Variants in TMEM117 observed in about 807,000 individuals in gnomAD.
TMEM117 encodes transmembrane protein 117.
A neutral mutation model predicts 52.4 loss-of-function variants in TMEM117; 27 were observed. That is an observed-to-expected ratio of 0.51 (90% confidence interval 0.38 to 0.71). The LOEUF (loss-of-function observed/expected upper bound fraction) is 0.71, where lower values mean the gene tolerates loss of function less well. TMEM117 is among the 30% of genes least tolerant of loss of function. TMEM117 has a pLI of 0.00. For synonymous variants in TMEM117, 215 were observed against 206.3 expected, an observed-to-expected ratio of 1.04 and a Z score of -0.36; for missense variants, 556 against 630.5, an observed-to-expected ratio of 0.88 and a Z score of 1.26.
chr12:44,143,683 T>TC, intron 4 of TMEM117, 59 bp downstream of exon 4: 1 of 1,264,488 alleles, frequency 7.9e-7, no homozygotes, highest in Non-Finnish European at 1.1e-6. Context: ...GTTCACAGTG[T>TC]TGGACAGACA....
chr12:44,236,589 T>C (rs943895318), intron 5 of TMEM117, among the ~76,000 whole-genome samples: 2 of 152,174 alleles, frequency 1.3e-5, no homozygotes, highest in African/African-American at 4.8e-5. Flanking sequence ...CAAATTCTAA[T>C]ATTTGAACAT....
intron 3 of TMEM117, among the ~76,000 whole-genome samples, chr12:44,063,531 A>G (rs1288948700): frequency 6.6e-6 from 1 of 151,790 alleles, no homozygotes; most frequent in Admixed American, 6.6e-5. Context: ...GGTTTGTTAC[A>G]TATGTATACA....
At chr12:44,219,550 A>C (rs937315313) in intron 5 of TMEM117, among the ~76,000 whole-genome samples, 1 of 152,166 alleles carries the variant, frequency 6.6e-6, no homozygotes, top group Non-Finnish European at 1.5e-5. Context: ...ACTTAATTTC[A>C]CATATAAAAA....
chr12:44,201,237 A>C (rs1049257584), intron 4 of TMEM117, among the ~76,000 whole-genome samples: 1 of 152,136 alleles, frequency 6.6e-6, no homozygotes, highest in Non-Finnish European at 1.5e-5. Flanking sequence ...GAAGAAAGAA[A>C]ATTAGATAAA....
chr12:44,100,110 T>A (rs1456541191), intron 3 of TMEM117, among the ~76,000 whole-genome samples: 1 of 152,020 alleles, frequency 6.6e-6, no homozygotes, highest in Non-Finnish European at 1.5e-5. Context: ...TCATTTATCC[T>A]CTATAATGGG....
chr12:44,282,764 G>A (rs1173035697), intron 5 of TMEM117, among the ~76,000 whole-genome samples: 1 of 152,218 alleles, frequency 6.6e-6, no homozygotes, highest in African/African-American at 2.4e-5. Context: ...TACATAAGTA[G>A]CATGGAGCCT....
At chr12:44,396,586 G>T in the TMEM117 span, among the ~76,000 whole-genome samples, 1 of 152,226 alleles carries the variant, frequency 6.6e-6, no homozygotes, top group South Asian at 2.1e-4. Flanking sequence ...GGGTGCGGTG[G>T]CTCAAGCCTG....
chr12:43,870,554 C>T (rs1039334451), intron 2 of TMEM117, among the ~76,000 whole-genome samples: 7 of 151,950 alleles, frequency 4.6e-5, no homozygotes, highest in African/African-American at 9.6e-5. Context: ...CCACTGTGCC[C>T]GGCCATGTGC....
intron 5 of TMEM117, among the ~76,000 whole-genome samples, chr12:44,265,459 A>G (rs983554831): frequency 7.9e-5 from 12 of 152,196 alleles, no homozygotes; most frequent in Admixed American, 2.6e-4. Context: ...CAAAACTAAA[A>G]GCAGTAATTC....
In TMEM117 at chr12:44,207,352, G is replaced by A. The variant is rs192456667; in HGVS notation, c.511-3938G>A. ...TAGATACAGTATATGTAGTACCTGC[G>A]TGGGAATTAGCTTGTAATCAGGCTA... On this transcript the variant is annotated intron_variant, in intron 4 of 7. Transcript: ENST00000266534. Among the ~76,000 whole-genome samples the A allele has an allele frequency of 3.2e-4, 49 of 152,202 alleles. No homozygotes were observed. The East Asian group carries it at 6.8e-3, about 21-fold the overall frequency.
At chr12:44,340,089 A>C (rs917341608) in intron 6 of TMEM117, among the ~76,000 whole-genome samples, 7 of 152,200 alleles carry the variant, frequency 4.6e-5, no homozygotes, top group African/African-American at 1.7e-4. Flanking sequence ...TATAGAAATA[A>C]TTTAATATAA....
At chr12:44,212,053 A>ATTAT (rs1424142918) in intron 5 of TMEM117, among the ~76,000 whole-genome samples, 3 of 152,222 alleles carry the variant, frequency 2.0e-5, no homozygotes, top group Non-Finnish European at 1.5e-5. Context: ...TAATCCCAAG[A>ATTAT]AAAGTTATGT....
At chr12:44,275,665 G>T (rs1950502966) in intron 5 of TMEM117, among the ~76,000 whole-genome samples, 1 of 152,040 alleles carries the variant, frequency 6.6e-6, no homozygotes, top group African/African-American at 2.4e-5. Flanking sequence ...TGGAACTAGA[G>T]ATCATTATAT....
chr12:43,968,197 T>C (rs992361868), intron 3 of TMEM117, among the ~76,000 whole-genome samples: 4 of 150,996 alleles, frequency 2.6e-5, no homozygotes, highest in African/African-American at 9.7e-5. Context: ...TGAGTTTTCA[T>C]AAAGAGGATT....
Position 44,389,063 on chromosome 12 carries a change from T to TTTAATG in TMEM117, c.*391_*392insTTAATG. ...TAACCTATTTCACATGGGCGTTTTGTATACAACTATTTTGATCTACACTTG... is the reference window on the plus strand; with the variant it reads ...TAACCTATTTCACATGGGCGTTTTGTTTAATGATACAACTATTTTGATCTACACTTG... On this transcript the variant is annotated 3_prime_UTR_variant, in exon 8 of 8. Transcript: ENST00000266534. 1 of 154,070 alleles carries TTTAATG rather than the reference T, an allele frequency of 6.5e-6. No homozygotes were observed. Among genetic ancestry groups the TTTAATG allele is most frequent in the African/African-American group, 2.6e-5 (1 of 38,530 alleles). 9.5% of individuals were successfully genotyped at this position (154,070 alleles called of 1,614,324 possible).
At chr12:43,902,024 A>T (rs1944312263) in intron 2 of TMEM117, among the ~76,000 whole-genome samples, 1 of 152,254 alleles carries the variant, frequency 6.6e-6, no homozygotes, top group Admixed American at 6.5e-5. Flanking sequence ...CTCAACCTAC[A>T]TAAATTTTAT....
chr12:43,962,143 T>C (rs2137666128), intron 3 of TMEM117, among the ~76,000 whole-genome samples: 1 of 152,328 alleles, frequency 6.6e-6, no homozygotes, highest in East Asian at 1.9e-4. Flanking sequence ...GTCTACAAAC[T>C]CTTCTACCGT....
chr12:44,009,255 C>A, intron 3 of TMEM117: 2 of 277,020 alleles, frequency 7.2e-6, no homozygotes, highest in Non-Finnish European at 1.4e-5. Flanking sequence ...TGCATCCTAG[C>A]ATTTGTATTT....
intron 3 of TMEM117, among the ~76,000 whole-genome samples, chr12:44,116,869 G>T (rs543177359): frequency 2.6e-5 from 4 of 152,240 alleles, no homozygotes; most frequent in Admixed American, 2.6e-4. Flanking sequence ...TCCTTAGTTA[G>T]GCTCTTGTCT....
Sources: gnomAD v4.1 joint callset for allele counts (sites outside exome capture counted in the v4.1 genomes callset) on GRCh38, gnomAD v4.1.1 for gene constraint, MANE v1.5 for transcripts, NCBI Gene and HGNC (gene_info 2026-07-23, HGNC 2026-07-21) for gene names.